GPC3: variants seen among roughly 807,000 people sequenced by gnomAD.
GPC3 encodes the protein glypican-3.
A neutral mutation model predicts 34.4 loss-of-function variants in GPC3; 3 were observed. That is an observed-to-expected ratio of 0.09 (90% CI 0.04 to 0.23). The LOEUF is 0.23. GPC3 is among the 10% of genes least tolerant of loss of function. The pLI is 1.00. For missense variants in GPC3, 351 were observed against 445.6 expected (o/e 0.79, Z 1.91); for synonymous variants, 177 against 174.0 (o/e 1.02, Z -0.13).
chrX:133,825,101 C>T (rs1037464270), intron 2 of GPC3, among the ~76,000 whole-genome samples: 4 of 111,841 alleles, frequency 3.6e-5, no homozygotes, highest in African/African-American at 9.8e-5. Flanking sequence ...ATGATCTGCC[C>T]ACCTCAGCCT....
intron 7 of GPC3, among the ~76,000 whole-genome samples, chrX:133,558,295 C>CTTT (rs11405813): frequency 4.2e-5 from 4 of 94,670 alleles, no homozygotes; most frequent in Non-Finnish European, 8.3e-5. Flanking sequence ...TCAATTTGGG[C>CTTT]TTTTTTTTTT....
intron 2 of GPC3, among the ~76,000 whole-genome samples, chrX:133,878,244 G>A (rs1382480472): frequency 7.1e-4 from 78 of 110,582 alleles, no homozygotes; most frequent in Non-Finnish European, 1.3e-3. Flanking sequence ...CCTGGCCAAC[G>A]TGGTGAAACT....
intron 6 of GPC3, among the ~76,000 whole-genome samples, chrX:133,631,886 T>C (rs144581962): frequency 8.6e-4 from 94 of 109,786 alleles, no homozygotes; most frequent in Admixed American, 2.1e-3. Flanking sequence ...ATGATGAGCA[T>C]TTTTCATGTG....
intron 7 of GPC3, among the ~76,000 whole-genome samples, chrX:133,558,235 CT>C (rs887271224): frequency 9.1e-6 from 1 of 109,911 alleles, no homozygotes; most frequent in African/African-American, 3.3e-5. Context: ...GCAAATCTTT[CT>C]TTTTTTCCTC....
chrX:133,797,307 A>G (rs2075586845), intron 2 of GPC3, among the ~76,000 whole-genome samples: 1 of 111,269 alleles, frequency 9.0e-6, no homozygotes, highest in African/African-American at 3.3e-5. Flanking sequence ...TTTTTTCTAT[A>G]GAACAGAACA....
rs747848218 is a variant in GPC3 at position 133,653,711 on chromosome X, C to A, written c.1413+8019G>T. ...TGTTAGGCCCAAACTTAGTTAATATCCAAAATAAGTGATAAATAATTAGCA... is the reference window on the plus strand; with the variant it reads ...TGTTAGGCCCAAACTTAGTTAATATACAAAATAAGTGATAAATAATTAGCA... On this transcript the variant is annotated intron_variant, in intron 6 of 7. Transcript: ENST00000370818. Among the ~76,000 whole-genome samples the A allele has an allele frequency of 2.7e-5, 3 of 112,108 alleles. No individual in the cohort carries two copies. In the East Asian group the frequency reaches 8.4e-4, roughly 31 times the overall value.
intron 3 of GPC3, among the ~76,000 whole-genome samples, chrX:133,703,711 T>C (rs1050920019): frequency 5.4e-5 from 6 of 111,911 alleles, no homozygotes; most frequent in Admixed American, 9.4e-5. Context: ...CCACCCACCT[T>C]GGCCTCCCAA....
At position 133,632,117 on chromosome X, in the gene GPC3, TGAGACAG is replaced by T. The variant is rs1416583108; in HGVS notation, c.1413+29606_1413+29612del. Among the ~76,000 whole-genome samples the T allele has an allele frequency of 8.5e-3, 946 of 111,206 alleles. 11 individuals carry two copies. The highest frequency in any genetic ancestry group is 0.028 in the African/African-American group (869 of 30,575). On this transcript the variant is annotated intron_variant, in intron 6 of 7. Transcript: ENST00000370818. Reference sequence around the variant, plus strand: ...TTAAAAATTTTTTAAAAAATTTTTTTGAGACAGTGTCTCCCTCTGTTGCCCAGGCTGG... The same window carrying T: ...TTAAAAATTTTTTAAAAAATTTTTTTTGTCTCCCTCTGTTGCCCAGGCTGG...
At chrX:133,706,607 TATC>T (rs1419606581) in intron 3 of GPC3, among the ~76,000 whole-genome samples, 1 of 112,430 alleles carries the variant, frequency 8.9e-6, no homozygotes, top group African/African-American at 3.2e-5. Context: ...AAAAAATGCT[TATC>T]ATCACTAATC....
At chrX:133,665,644 C>T (rs144501665) in intron 5 of GPC3, among the ~76,000 whole-genome samples, 4,438 of 112,050 alleles carry the variant, frequency 0.04, 216 homozygotes, top group African/African-American at 0.14. Flanking sequence ...TAAAAGTTAA[C>T]TCATGAATAC....
At chrX:133,803,619 T>C (rs773403064) in intron 2 of GPC3, among the ~76,000 whole-genome samples, 3 of 112,052 alleles carry the variant, frequency 2.7e-5, no homozygotes, top group African/African-American at 9.7e-5. Flanking sequence ...GAAAAATAGG[T>C]CTGATTCAGG....
At chrX:133,799,936 C>A (rs181896894) in intron 2 of GPC3, among the ~76,000 whole-genome samples, 1 of 112,008 alleles carries the variant, frequency 8.9e-6, no homozygotes, top group Non-Finnish European at 1.9e-5. Context: ...TTCCAGGTGT[C>A]CTGATGAGTC....
intron 6 of GPC3, among the ~76,000 whole-genome samples, chrX:133,626,103 G>T (rs1411142101): frequency 8.9e-6 from 1 of 111,895 alleles, no homozygotes; most frequent in Non-Finnish European, 1.9e-5. Flanking sequence ...GGGAAAACTT[G>T]CTAGACATAT....
intron 1 of GPC3, among the ~76,000 whole-genome samples, chrX:133,969,105 G>C (rs1011833367): frequency 9.1e-6 from 1 of 110,333 alleles, no homozygotes; most frequent in African/African-American, 3.3e-5. Context: ...CTTCAGGGGT[G>C]GGGGTGGAGC....
At chrX:133,621,483 A>C (rs1365636306) in intron 6 of GPC3, among the ~76,000 whole-genome samples, 1 of 112,194 alleles carries the variant, frequency 8.9e-6, no homozygotes, top group Non-Finnish European at 1.9e-5. Context: ...GGTCTTAGCA[A>C]ATGGCACACC....
At chrX:133,863,648 C>CGTTTTTTTTTTTTTT (rs2075950309) in intron 2 of GPC3, among the ~76,000 whole-genome samples, 1 of 72,900 alleles carries the variant, frequency 1.4e-5, no homozygotes, top group Non-Finnish European at 2.4e-5. Context: ...AAAAATATTC[C>CGTTTTTTTTTTTTTT]TTTTTTTTTT....
At chrX:133,768,693 C>A (rs2071878594) in intron 2 of GPC3, among the ~76,000 whole-genome samples, 1 of 111,929 alleles carries the variant, frequency 8.9e-6, no homozygotes, top group South Asian at 3.8e-4. Context: ...AATCCCAACA[C>A]TTTTGGAGGC....
chrX:133,692,860 T>C (rs2071077668), intron 4 of GPC3, among the ~76,000 whole-genome samples: 2 of 111,711 alleles, frequency 1.8e-5, no homozygotes, highest in African/African-American at 6.5e-5. Flanking sequence ...GGTTTCTGAG[T>C]GTAATTGGGT....
At chrX:133,761,970 C>T (rs1249652537) in intron 2 of GPC3, among the ~76,000 whole-genome samples, 3 of 111,859 alleles carry the variant, frequency 2.7e-5, no homozygotes, top group African/African-American at 9.7e-5. Context: ...TCTTACATTC[C>T]CCTTTGCCTG....
Sources: allele counts gnomAD v4.1 joint callset (sites outside exome capture counted in the v4.1 genomes callset), GRCh38; gene constraint gnomAD v4.1.1; transcripts MANE v1.5; gene names NCBI Gene and HGNC (gene_info 2026-07-23, HGNC 2026-07-21).